TBC1D9B: variants seen among roughly 807,000 people sequenced by gnomAD.
TBC1D9B encodes the protein TBC1 domain family, member 9B (with GRAM domain).
Under a neutral mutation model 121.1 loss-of-function variants are expected in TBC1D9B, and 87 were observed. That is an observed-to-expected ratio of 0.72 (90% CI 0.60 to 0.86). The LOEUF (loss-of-function observed/expected upper bound fraction) is 0.86. Ranked by LOEUF, TBC1D9B falls within the 40% of genes least tolerant of loss-of-function variation. The pLI, the probability that TBC1D9B is intolerant of heterozygous loss-of-function variation, is 0.00. For synonymous variants in TBC1D9B, 668 were observed against 670.1 expected (o/e 1.00, Z 0.05); for missense variants, 1,540 against 1,628.6 (o/e 0.95, Z 0.94).
rs776608436 is a variant in TBC1D9B, at chr5:179,863,788, G to A, written c.3362C>T (p.Ser1121Leu). The change falls in exon 21 of 21, where the codon TCA (serine) becomes TTA (leucine). Residue 1121 changes from serine to leucine, a missense_variant. Transcript: ENST00000355235. This position sits in a 1 kb window ranked among gnomAD's most constrained non-coding sequence, Gnocchi z 4.5. Reference sequence around the variant, plus strand: ...ATCGTCAGACAGCAGCTGGGAGGGTGAGCCCTGTCCCTCGCCGCTGCCCCC... The same window carrying A: ...ATCGTCAGACAGCAGCTGGGAGGGTAAGCCCTGTCCCTCGCCGCTGCCCCC... Reference protein sequence around the residue: ...VEGGSGEGQGSPSQLLSDDET... With the variant: ...VEGGSGEGQGLPSQLLSDDET... 2.2e-5 allele frequency: 36 copies of A among 1,613,590 alleles called. No individual in the cohort carries two copies. In the Admixed American group the frequency reaches 4.8e-4, roughly 22 times the overall value.
In TBC1D9B at chr5:179,904,739, C is replaced by T. The variant is rs1386779611; in HGVS notation, c.192G>A (p.Gln64=). 1 of 1,579,144 alleles carries T rather than the reference C, an allele frequency of 6.3e-7. No homozygotes were observed. Among genetic ancestry groups the T allele is most frequent in the Non-Finnish European group, 8.6e-7 (1 of 1,162,758 alleles). Residue 64 remains glutamine (Q), a synonymous_variant, in exon 2 of 21, where the codon CAG becomes CAA. Coordinates refer to ENST00000355235, the MANE Select transcript of TBC1D9B (RefSeq NM_015043.4). This position sits in a 1 kb window ranked among gnomAD's most constrained non-coding sequence, Gnocchi z 4.2. ...ARVAPYRILH[Q]TQDSQVYWTV... ...TCCAGTAGACCTGGGAGTCCTGGGTCTGGTGCAGGATGCGGTAAGGGGCCA... is the reference window on the plus strand; with the variant it reads ...TCCAGTAGACCTGGGAGTCCTGGGTTTGGTGCAGGATGCGGTAAGGGGCCA...
chr5:179,863,095 G>A lies in TBC1D9B; in HGVS notation c.*353C>T. 3.5e-6 allele frequency: 1 copy of A among 286,628 alleles called. No homozygotes were observed. The highest frequency in any genetic ancestry group is 6.7e-6 in the Non-Finnish European group (1 of 149,706). 17.8% of individuals were successfully genotyped at this position (286,628 alleles called of 1,614,324 possible). ...ATCCACGGATGGAGGGACTCAGCTG[G>A]CCTGGCCGCAGTGTGGAGCACAGAG... On this transcript the variant is annotated 3_prime_UTR_variant, in exon 21 of 21. Transcript: ENST00000355235. This position sits in a 1 kb window ranked among gnomAD's most constrained non-coding sequence, Gnocchi z 4.5.
chr5:179,907,560 C>T lies in TBC1D9B; in HGVS notation c.118+144G>A, dbSNP rs868158110. On this transcript the variant is annotated intron_variant, in intron 1 of 20. Transcript: ENST00000355235. The surrounding 1 kb of genome is among the most constrained non-coding windows in gnomAD (Gnocchi z 5.3). Reference sequence around the variant, plus strand: ...CGGCTCCCGGGTCCTGGCCTCGCGCCCCCGCCCCGCCGCGCGCTGGCGTGC... The same window carrying T: ...CGGCTCCCGGGTCCTGGCCTCGCGCTCCCGCCCCGCCGCGCGCTGGCGTGC... 37 of 314,106 alleles carry T rather than the reference C, an allele frequency of 1.2e-4. No individual in the cohort carries two copies. Among genetic ancestry groups the T allele is most frequent in the African/African-American group, 6.8e-4 (30 of 44,124 alleles). 19.5% of individuals were successfully genotyped at this position (314,106 alleles called of 1,614,324 possible). A position where few individuals can be genotyped will look rare whatever the true frequency, so the allele number is the denominator to read the frequency against.
In TBC1D9B at chr5:179,907,543, G is replaced by C. The variant is rs1761358590; in HGVS notation, c.118+161C>G. On this transcript the variant is annotated intron_variant, in intron 1 of 20. Coordinates refer to ENST00000355235, the MANE Select transcript of TBC1D9B (RefSeq NM_015043.4). The surrounding 1 kb of genome is among the most constrained non-coding windows in gnomAD (Gnocchi z 5.3). Reference sequence around the variant, plus strand: ...CCCGGCCCCTCCGCGCCCGGCTCCCGGGTCCTGGCCTCGCGCCCCCGCCCC... The same window carrying C: ...CCCGGCCCCTCCGCGCCCGGCTCCCCGGTCCTGGCCTCGCGCCCCCGCCCC... 6.8e-6 allele frequency among the ~76,000 whole-genome samples: 1 copy of C among 146,772 alleles called. No homozygotes were observed. Among genetic ancestry groups the C allele is most frequent in the African/African-American group, 2.5e-5 (1 of 40,184 alleles).
chr5:179,891,409 GTCC>G lies in TBC1D9B; in HGVS notation c.1011_1013del (p.Glu337del), dbSNP rs768771764. 2.7e-5 allele frequency: 43 copies of G among 1,614,120 alleles called. No homozygotes were observed. The highest frequency in any genetic ancestry group is 3.5e-5 in the Non-Finnish European group (41 of 1,180,050). Reference sequence around the variant, plus strand: ...TCAGGGGTATGATGAGGTGGCAAGCGTCCTCCTCCTTGCTGGCGAAGCAGATGT... The same window carrying G: ...TCAGGGGTATGATGAGGTGGCAAGCGTCCTCCTTGCTGGCGAAGCAGATGT... On this transcript the variant is annotated inframe_deletion, in exon 6 of 21. Transcript: ENST00000355235. This position sits in a 1 kb window ranked among gnomAD's most constrained non-coding sequence, Gnocchi z 4.3.
intron 4 of TBC1D9B, among the ~76,000 whole-genome samples, chr5:179,894,031 A>G (rs1280204571): frequency 1.3e-5 from 2 of 152,008 alleles, no homozygotes; most frequent in Non-Finnish European, 2.9e-5. Flanking sequence ...TGTAGGGAGG[A>G]ACCTGCAGCA....
intron 10 of TBC1D9B, 144 bp downstream of exon 10, chr5:179,878,165 T>A (rs1476903936): frequency 5.8e-6 from 5 of 860,626 alleles, no homozygotes; most frequent in Non-Finnish European, 8.7e-6. Context: ...CAATTAATAC[T>A]GTTTTTAAAT....
intron 3 of TBC1D9B, among the ~76,000 whole-genome samples, chr5:179,898,928 C>A (rs888900783): frequency 2.0e-5 from 3 of 152,192 alleles, no homozygotes; most frequent in African/African-American, 7.2e-5. Flanking sequence ...TCTGCGTACG[C>A]CTTCCAAGGC....
intron 2 of TBC1D9B, among the ~76,000 whole-genome samples, chr5:179,903,539 A>G (rs1761221350): frequency 6.6e-6 from 1 of 152,220 alleles, no homozygotes. Context: ...GGGGGAACAC[A>G]GGGTTAGGTT....
intron 20 of TBC1D9B, among the ~76,000 whole-genome samples, 167 bp from the exon 21 acceptor site, chr5:179,864,295 T>C (rs2113596383): frequency 6.6e-6 from 1 of 152,200 alleles, no homozygotes; most frequent in East Asian, 1.9e-4. Flanking sequence ...GGACACAGGC[T>C]CAGAGAGGCC....
intron 14 of TBC1D9B, 44 bp downstream of exon 14, chr5:179,872,848 G>GGCCCCCCCCCCCCCCCC: frequency 6.9e-7 from 1 of 1,457,254 alleles, no homozygotes. Context: ...AGGCACTGCT[G>GGCCCCCCCCCCCCCCCC]CCCCCCCAGC....
chr5:179,900,505 A>G (rs1343928134), intron 2 of TBC1D9B, among the ~76,000 whole-genome samples: 2 of 152,184 alleles, frequency 1.3e-5, no homozygotes, highest in Admixed American at 6.5e-5. Flanking sequence ...AAGACATGGC[A>G]GATTCTCGTT....
chr5:179,891,502 G>A lies in TBC1D9B; in HGVS notation c.921C>T (p.Ser307=), dbSNP rs756816624. 2.5e-6 allele frequency: 4 copies of A among 1,614,198 alleles called. No homozygotes were observed. The highest frequency in any genetic ancestry group is 2.7e-5 in the African/African-American group (2 of 75,062). The change falls in exon 6 of 21, where the codon AGC becomes AGT. Residue 307 remains serine, a synonymous_variant. Coordinates refer to ENST00000355235, the MANE Select transcript of TBC1D9B (RefSeq NM_015043.4). This position sits in a 1 kb window ranked among gnomAD's most constrained non-coding sequence, Gnocchi z 4.3. ...TGTTGAACGGCGTCCACAGGGTGCA[G>A]CTTGTGTGGCCGTCTAGCCGCTCAT... ...PRDERLDGHT[S]CTLWTPFNKL...
chr5:179,903,167 G>A (rs189879774), intron 2 of TBC1D9B, among the ~76,000 whole-genome samples: 1 of 152,220 alleles, frequency 6.6e-6, no homozygotes, highest in South Asian at 2.1e-4. Flanking sequence ...GAGAGGTACT[G>A]AGAGGGTCCA....
At chr5:179,879,933 G>T (rs888886515) in intron 7 of TBC1D9B, 144 bp from the exon 8 acceptor site, 1 of 1,032,938 alleles carries the variant, frequency 9.7e-7, no homozygotes, top group Non-Finnish European at 1.4e-6. Flanking sequence ...AGCCTGTCTG[G>T]CTGGGCAGGA....
chr5:179,891,712 CT>C lies in TBC1D9B; in HGVS notation c.837-127del. 3 of 1,037,194 alleles carry C rather than the reference CT, an allele frequency of 2.9e-6. No homozygotes were observed. Among genetic ancestry groups the C allele is most frequent in the Non-Finnish European group, 4.2e-6 (3 of 716,654 alleles). 64.2% of individuals were successfully genotyped at this position (1,037,194 alleles called of 1,614,324 possible). ...AGATTCAGGATCCCTGGGGTGGTCC[CT>C]TGAGCAAGTCATGCTCAGGGACCTC... On this transcript the variant is annotated intron_variant, in intron 5 of 20. Transcript: ENST00000355235. The surrounding 1 kb of genome is among the most constrained non-coding windows in gnomAD (Gnocchi z 4.3).
Position 179,907,721 on chromosome 5 carries a change from C to G in TBC1D9B, c.101G>C (p.Arg34Thr). 8.5e-7 allele frequency: 1 copy of G among 1,180,614 alleles called. No homozygotes were observed. The highest frequency in any genetic ancestry group is 1.1e-6 in the Non-Finnish European group (1 of 930,204). 73.1% of individuals were successfully genotyped at this position (1,180,614 alleles called of 1,614,324 possible). A position where few individuals can be genotyped will look rare whatever the true frequency, so the allele number is the denominator to read the frequency against. The part of the protein sequence containing the change: ...FVLQRRRGHG[R>T]GGGLTGLLVG... Reference sequence around the variant, plus strand: ...CCTCTCACCCGTAAGGCCGCCGCCCCTGCCGTGGCCCCGGCGTCGCTGCAG... The same window carrying G: ...CCTCTCACCCGTAAGGCCGCCGCCCGTGCCGTGGCCCCGGCGTCGCTGCAG... Residue 34 changes from arginine (R) to threonine (T), a missense_variant, in exon 1 of 21, where the codon AGG (arginine) becomes ACG (threonine). By Grantham distance (71) the Arg-to-Thr change is moderately conservative. Transcript: ENST00000355235. This position sits in a 1 kb window ranked among gnomAD's most constrained non-coding sequence, Gnocchi z 5.3.
intron 17 of TBC1D9B, chr5:179,868,773 T>A (rs1760096579): frequency 6.6e-6 from 1 of 152,450 alleles, no homozygotes; most frequent in Non-Finnish European, 1.5e-5. Context: ...TGGGTGAGTG[T>A]AGCGGGCATG....
chr5:179,863,295 C>G lies in TBC1D9B; in HGVS notation c.*153G>C, dbSNP rs1759900185. On this transcript the variant is annotated 3_prime_UTR_variant, in exon 21 of 21. Transcript: ENST00000355235. The surrounding 1 kb of genome is among the most constrained non-coding windows in gnomAD (Gnocchi z 4.5). ...GGGAATCTGTCTAAGGCAGCTGGGT[C>G]TGCACCAGCCTTCTTTCCACTCACA... 4 of 884,542 alleles carry G rather than the reference C, an allele frequency of 4.5e-6. No homozygotes were observed. The highest frequency in any genetic ancestry group is 3.4e-5 in the African/African-American group (2 of 59,000). 54.8% of individuals were successfully genotyped at this position (884,542 alleles called of 1,614,324 possible). A position where few individuals can be genotyped will look rare whatever the true frequency, so the allele number is the denominator to read the frequency against.
Sources: gnomAD v4.1 joint callset for allele counts (sites outside exome capture counted in the v4.1 genomes callset) on GRCh38, gnomAD v4.1.1 for gene constraint, Gnocchi (gnomAD v3.1) non-coding constraint, MANE v1.5 for transcripts, NCBI Gene and HGNC (gene_info 2026-07-23, HGNC 2026-07-21) for gene names.